The following CELF2 variants were observed in gnomAD, a reference collection of about 807,000 sequenced individuals.
CELF2 encodes the protein CUG triplet repeat RNA-binding protein 2.
Under a neutral mutation model 62.6 loss-of-function variants are expected in CELF2, and 8 were observed. The observed-to-expected ratio is 0.13, with a 90% CI of 0.07 to 0.23. The LOEUF is 0.23. Among genes scored for constraint, CELF2 ranks in the 10% least tolerant of loss-of-function variants. The pLI is 1.00. For synonymous variants in CELF2, 258 were observed against 250.0 expected, an observed-to-expected ratio of 1.03 and a Z score of -0.30; for missense variants, 333 against 671.0, an observed-to-expected ratio of 0.50 and a Z score of 5.56.
chr10:10,610,202 C>T, the CELF2 span, among the ~76,000 whole-genome samples: 3 of 152,130 alleles, frequency 2.0e-5, no homozygotes, highest in South Asian at 6.2e-4. Context: ...TAAGATCTAT[C>T]AAAATGAATA....
chr10:11,141,905 T>C (rs535804878), intron 1 of CELF2, among the ~76,000 whole-genome samples: 226 of 152,364 alleles, frequency 1.5e-3, no homozygotes, highest in Middle Eastern at 3.4e-3. Flanking sequence ...TATCACATTA[T>C]TGCAGCTGAC....
the CELF2 span, among the ~76,000 whole-genome samples, chr10:10,784,073 G>C: frequency 6.6e-6 from 1 of 152,150 alleles, no homozygotes; most frequent in Admixed American, 6.5e-5. Flanking sequence ...CTGAGGTTTA[G>C]ATGGCTCCAG....
At chr10:10,632,364 T>A in the CELF2 span, among the ~76,000 whole-genome samples, 1 of 152,114 alleles carries the variant, frequency 6.6e-6, no homozygotes, top group Admixed American at 6.6e-5. Flanking sequence ...AACTGACTAT[T>A]TCTAGAAGCC....
At chr10:10,932,623 A>C (rs1014739210) in intron 2 of CELF2, among the ~76,000 whole-genome samples, 18 of 152,020 alleles carry the variant, frequency 1.2e-4, no homozygotes, top group Admixed American at 3.3e-4. Context: ...AGAAGAAAGC[A>C]TGTTCTTTCT....
chr10:10,799,924 A>G (rs2054487873), intron 1 of CELF2, among the ~76,000 whole-genome samples: 1 of 152,194 alleles, frequency 6.6e-6, no homozygotes, highest in Non-Finnish European at 1.5e-5. Context: ...CATGTCTTCC[A>G]AATACCTTCC....
At chr10:10,789,214 G>GCAGT in the CELF2 span, among the ~76,000 whole-genome samples, 1 of 152,162 alleles carries the variant, frequency 6.6e-6, no homozygotes, top group Non-Finnish European at 1.5e-5. Flanking sequence ...AGTTGAGTTT[G>GCAGT]CAGTCCTGGT....
At chr10:10,835,918 A>G (rs2058251588) in intron 1 of CELF2, among the ~76,000 whole-genome samples, 1 of 152,196 alleles carries the variant, frequency 6.6e-6, no homozygotes, top group African/African-American at 2.4e-5. Flanking sequence ...AGGTTTCTGT[A>G]CAGAACGAAG....
At chr10:10,921,351 C>G (rs2064890884) in intron 2 of CELF2, among the ~76,000 whole-genome samples, 1 of 150,486 alleles carries the variant, frequency 6.6e-6, no homozygotes, top group Non-Finnish European at 1.5e-5. Flanking sequence ...CTCACTGCAA[C>G]CTCCGCCCCT....
At chr10:10,700,268 G>A in the CELF2 span, among the ~76,000 whole-genome samples, 1 of 152,316 alleles carries the variant, frequency 6.6e-6, no homozygotes, top group South Asian at 2.1e-4. Flanking sequence ...CCCCAGGGAA[G>A]AGGGAAAAGA....
Position 11,270,409 on chromosome 10 carries a change from A to G in CELF2, c.619-257A>G, listed in dbSNP as rs908966345. ...AAGGAAGACACAGGAAGAGAAGGAG[A>G]GGCAGTTACTAATCAGAGCAAGAAA... On this transcript the variant is annotated intron_variant, in intron 6 of 12. Coordinates refer to ENST00000633077, the MANE Select transcript of CELF2 (RefSeq NM_001326342.2). This position sits in a 1 kb window ranked among gnomAD's most constrained non-coding sequence, Gnocchi z 5.8. 4.6e-5 allele frequency among the ~76,000 whole-genome samples: 7 copies of G among 152,124 alleles called. No homozygotes were observed. The highest frequency in any genetic ancestry group is 4.6e-4 in the Admixed American group (7 of 15,288).
the CELF2 span, among the ~76,000 whole-genome samples, chr10:10,470,852 T>C: frequency 1.3e-5 from 2 of 151,406 alleles, no homozygotes; most frequent in African/African-American, 4.8e-5. Flanking sequence ...GGGAATCCAT[T>C]CTTCTACCTT....
At chr10:11,108,865 G>A (rs994197915) in intron 1 of CELF2, among the ~76,000 whole-genome samples, 5 of 152,070 alleles carry the variant, frequency 3.3e-5, no homozygotes, top group Admixed American at 6.5e-5. Flanking sequence ...TGTTCACATC[G>A]TATGCACATT....
intron 1 of CELF2, among the ~76,000 whole-genome samples, chr10:11,083,194 C>A (rs1485575563): frequency 1.3e-5 from 2 of 152,064 alleles, no homozygotes; most frequent in African/African-American, 4.8e-5. Context: ...ACAGCTGACA[C>A]CTCTTTTGGG....
At chr10:10,764,471 A>G in the CELF2 span, among the ~76,000 whole-genome samples, 1 of 152,178 alleles carries the variant, frequency 6.6e-6, no homozygotes, top group Admixed American at 6.5e-5. Flanking sequence ...TGCAGACCTA[A>G]TCAGACAACA....
chr10:10,618,758 G>T, the CELF2 span, among the ~76,000 whole-genome samples: 1 of 152,102 alleles, frequency 6.6e-6, no homozygotes, highest in Non-Finnish European at 1.5e-5. Context: ...CACGCAAGGA[G>T]TGAGTTTAAA....
chr10:10,896,242 C>T (rs575876325), intron 1 of CELF2, among the ~76,000 whole-genome samples: 6 of 152,176 alleles, frequency 3.9e-5, no homozygotes, highest in East Asian at 1.9e-4. Flanking sequence ...ATCCACAGGG[C>T]GGTGGGTACA....
Position 11,224,342 on chromosome 10 carries a change from T to C in CELF2, c.354+6835T>C, listed in dbSNP as rs141164626. Among the ~76,000 whole-genome samples, 302 of 152,308 alleles carry C rather than the reference T, an allele frequency of 2.0e-3. No homozygotes were observed. Among genetic ancestry groups the C allele is most frequent in the Non-Finnish European group, 3.9e-3 (262 of 68,038 alleles). ...TGTGTCATTGCTTGAGGGATACTGG[T>C]ATCTCATTAGTATCTTGTGAGGGGA... On this transcript the variant is annotated intron_variant, in intron 3 of 12. Transcript: ENST00000633077. The surrounding 1 kb of genome is among the most constrained non-coding windows in gnomAD (Gnocchi z 4.5).
At chr10:10,598,676 C>G in the CELF2 span, among the ~76,000 whole-genome samples, 2 of 150,768 alleles carry the variant, frequency 1.3e-5, no homozygotes, top group Non-Finnish European at 2.9e-5. Context: ...TTCAGACCTA[C>G]TGAACAATTA....
rs775109420 is a variant in CELF2 at position 10,934,911 on chromosome 10, A to C, written c.89+14912A>C. 1.2e-4 allele frequency: 18 copies of C among 152,356 alleles called. No individual in the cohort carries two copies. Among genetic ancestry groups the C allele is most frequent in the South Asian group, 2.1e-4 (1 of 4,826 alleles). 9.4% of individuals were successfully genotyped at this position (152,356 alleles called of 1,614,324 possible). ...ATGCAAATTTGATAGAGATTCCTTA[A>C]GAAAAAATAATGTTACTGCAGAGAT... On this transcript the variant is annotated intron_variant, in intron 2 of 13. Coordinates refer to the CELF2 transcript ENST00000636488. The surrounding 1 kb of genome is among the most constrained non-coding windows in gnomAD (Gnocchi z 4.4).
Sources: gnomAD v4.1 joint callset for allele counts (sites outside exome capture counted in the v4.1 genomes callset) on GRCh38, gnomAD v4.1.1 for gene constraint, Gnocchi (gnomAD v3.1) non-coding constraint, MANE v1.5 for transcripts, NCBI Gene and HGNC (gene_info 2026-07-23, HGNC 2026-07-21) for gene names.